Variants in EFCAB3 observed in about 807,000 individuals in gnomAD.
The protein encoded by EFCAB3 is EF-hand calcium binding domain 3, also known as EF-hand calcium-binding domain-containing protein 3.
A neutral mutation model predicts 42.2 loss-of-function variants in EFCAB3; 36 were observed. The ratio of observed to expected loss-of-function variants is 0.85; its 90% CI spans 0.65 to 1.13. The LOEUF (loss-of-function observed/expected upper bound fraction) is 1.13, where lower values mean the gene tolerates loss of function less well. EFCAB3 is among the 50% of genes most tolerant of loss of function. The probability of loss-of-function intolerance (pLI) is 0.00; values close to 1 mark genes in which losing one functional copy is unlikely to be tolerated. For missense variants in EFCAB3, 418 were observed against 505.1 expected (o/e 0.83, Z 1.65); for synonymous variants, 170 against 172.8 (o/e 0.98, Z 0.13).
chr17:62,392,004 AT>A lies in EFCAB3; in HGVS notation c.295+44del, dbSNP rs779194866. On this transcript the variant is annotated intron_variant, in intron 4 of 9. Coordinates refer to ENST00000305286, the MANE Select transcript of EFCAB3 (RefSeq NM_173503.4). ...CTTCTCATTGTTTTTCTCATAAAAG[AT>A]TTTTGTGAATATATAGTTTTCTTTT... 5 of 1,564,156 alleles carry A rather than the reference AT, an allele frequency of 3.2e-6. No homozygotes were observed. The South Asian group carries it at 6.1e-5, about 19-fold the overall frequency.
chr17:62,387,211 C>G (rs1214947698), intron 2 of EFCAB3, 129 bp from the exon 3 acceptor site: 7 of 587,342 alleles, frequency 1.2e-5, no homozygotes, highest in Non-Finnish European at 2.9e-6. Flanking sequence ...ATAGAAGATC[C>G]CTTAGGATAG....
At chr17:62,396,920 A>G (rs1253442980) in intron 6 of EFCAB3, among the ~76,000 whole-genome samples, 3 of 152,120 alleles carry the variant, frequency 2.0e-5, no homozygotes, top group African/African-American at 4.8e-5. Flanking sequence ...AAAAGAATAT[A>G]CATATTATCT....
chr17:62,400,276 C>T (rs149744478), intron 6 of EFCAB3, among the ~76,000 whole-genome samples: 77 of 152,100 alleles, frequency 5.1e-4, no homozygotes, highest in African/African-American at 1.7e-3. Context: ...ATGTGCACAA[C>T]GTGCAGGTTT....
intron 2 of EFCAB3, among the ~76,000 whole-genome samples, chr17:62,384,407 G>A (rs562630330): frequency 2.0e-5 from 3 of 152,184 alleles, no homozygotes; most frequent in East Asian, 1.9e-4. Flanking sequence ...AGGCTGAGGC[G>A]GGTGGATCAC....
chr17:62,391,358 C>CTA, intron 3 of EFCAB3, among the ~76,000 whole-genome samples: 1 of 151,928 alleles, frequency 6.6e-6, no homozygotes, highest in African/African-American at 2.4e-5. Context: ...TTCTCAGCCT[C>CTA]TTTAGCAAGC....
intron 2 of EFCAB3, among the ~76,000 whole-genome samples, chr17:62,374,662 C>A (rs2070137126): frequency 6.6e-6 from 1 of 152,076 alleles, no homozygotes; most frequent in Admixed American, 6.5e-5. Context: ...TCAACAGAGG[C>A]AAGGTAAAAC....
upstream of EFCAB3, chr17:62,378,138 T>G: frequency 2.4e-6 from 2 of 830,150 alleles, no homozygotes; most frequent in Non-Finnish European, 3.7e-6. Context: ...CTCCATCTAC[T>G]TGTCCATAAA....
At chr17:62,383,982 G>A (rs1472253661) in intron 2 of EFCAB3, among the ~76,000 whole-genome samples, 3 of 152,122 alleles carry the variant, frequency 2.0e-5, no homozygotes, top group Non-Finnish European at 4.4e-5. Flanking sequence ...AGCCACTAAT[G>A]AGCAAAAATG....
Position 62,393,624 on chromosome 17 carries a change from A to C in EFCAB3, c.347A>C (p.Asn116Thr), listed in dbSNP as rs375627224. 6.2e-7 allele frequency: 1 copy of C among 1,614,114 alleles called. No homozygotes were observed. The highest frequency in any genetic ancestry group is 1.3e-5 in the African/African-American group (1 of 75,028). ...TTTATCAAGGTTCTAACAGATAAGAATCTCTTCCTCAAGGCAGTGGGTGAG... is the reference window on the plus strand; with the variant it reads ...TTTATCAAGGTTCTAACAGATAAGACTCTCTTCCTCAAGGCAGTGGGTGAG... ...SDFIKVLTDK[N>T]LFLKAVVPEK... Residue 116 changes from asparagine to threonine, a missense_variant, in exon 5 of 10, where the codon AAT becomes ACT. Physicochemically the swap from Asn to Thr is moderately conservative, Grantham distance 65. Transcript: ENST00000305286.
intron 9 of EFCAB3, among the ~76,000 whole-genome samples, chr17:62,415,126 A>C (rs59285691): frequency 0.089 from 13,513 of 151,088 alleles, 1,660 homozygotes; most frequent in East Asian, 0.44. Context: ...AAACAAAAAA[A>C]AACAAAAAAA....
chr17:62,380,663 T>A, intron 1 of EFCAB3, 50 bp downstream of exon 1: 1 of 884,454 alleles, frequency 1.1e-6, no homozygotes, highest in Non-Finnish European at 1.4e-6. Flanking sequence ...TTTTAAAAAA[T>A]CTATTATCTA....
intron 8 of EFCAB3, among the ~76,000 whole-genome samples, chr17:62,412,970 A>G (rs1298346686): frequency 6.6e-6 from 1 of 152,194 alleles, no homozygotes; most frequent in Non-Finnish European, 1.5e-5. Context: ...TGAGATTCAC[A>G]CTTCATATAC....
At chr17:62,377,252 T>A (rs2070158114), upstream of EFCAB3, among the ~76,000 whole-genome samples, 1 of 152,232 alleles carries the variant, frequency 6.6e-6, no homozygotes, top group Non-Finnish European at 1.5e-5. Context: ...CACCAAGCAT[T>A]TTCCATGTTT....
chr17:62,415,867 G>A (rs542764748), intron 9 of EFCAB3, 136 bp from the exon 10 acceptor site: 51 of 718,172 alleles, frequency 7.1e-5, no homozygotes, highest in South Asian at 7.0e-4. Flanking sequence ...ACGTCCTCAC[G>A]AGGCACCACC....
At chr17:62,377,856 C>A (rs907373379), upstream of EFCAB3, 1 of 813,472 alleles carries the variant, frequency 1.2e-6, no homozygotes. Context: ...TTGACATTTT[C>A]TTAATTTTTT....
At chr17:62,380,057 AG>A (rs1197629274), upstream of EFCAB3, among the ~76,000 whole-genome samples, 1 of 152,224 alleles carries the variant, frequency 6.6e-6, no homozygotes, top group Non-Finnish European at 1.5e-5. Context: ...GCTAGAGTGC[AG>A]GGGCGTGATC....
At chr17:62,387,978 G>A (rs773855110) in intron 3 of EFCAB3, among the ~76,000 whole-genome samples, 1 of 152,186 alleles carries the variant, frequency 6.6e-6, no homozygotes, top group Non-Finnish European at 1.5e-5. Context: ...GCTGAGGCAG[G>A]CCGGGCCGAT....
chr17:62,385,738 G>A (rs1279680045), intron 2 of EFCAB3, among the ~76,000 whole-genome samples: 2 of 49,466 alleles, frequency 4.0e-5, no homozygotes, highest in Non-Finnish European at 8.0e-5. Flanking sequence ...TTTTTTTTTT[G>A]AGACAGAGTC....
chr17:62,377,900 G>T (rs1037540740), upstream of EFCAB3: 2 of 1,217,832 alleles, frequency 1.6e-6, no homozygotes, highest in Admixed American at 2.4e-5. Flanking sequence ...GATAAATTAT[G>T]CCCTCCTAGT....
Sources: gnomAD v4.1 joint callset for allele counts (sites outside exome capture counted in the v4.1 genomes callset) on GRCh38, gnomAD v4.1.1 for gene constraint, MANE v1.5 for transcripts, NCBI Gene and HGNC (gene_info 2026-07-23, HGNC 2026-07-21) for gene names.